U2SURP: variants seen among roughly 807,000 people sequenced by gnomAD.
U2SURP encodes the protein U2 snRNP associated SURP domain containing.
Under a neutral mutation model 144.9 loss-of-function variants are expected in U2SURP, and 9 were observed. The ratio of observed to expected loss-of-function variants is 0.06; its 90% CI spans 0.04 to 0.11. The LOEUF is 0.11. Ranked by LOEUF, U2SURP falls within the 10% of genes least tolerant of loss-of-function variation. The pLI, the probability that U2SURP is intolerant of heterozygous loss-of-function variation, is 1.00. For missense variants in U2SURP, 724 were observed against 1,226.7 expected (o/e 0.59, Z 6.12); for synonymous variants, 408 against 396.8 (o/e 1.03, Z -0.33).
In U2SURP at chr3:143,016,283, T is replaced by G; in HGVS notation, c.348T>G (p.Ile116Met). 2 of 1,613,276 alleles carry G rather than the reference T, an allele frequency of 1.2e-6. No homozygotes were observed. Among genetic ancestry groups the G allele is most frequent in the Non-Finnish European group, 1.7e-6 (2 of 1,179,394 alleles). ...AGGATGAAAAGGCAGCTGCTGAGATTTATGAGGAGTTTCTTGCTGCTTTTG... is the reference window on the plus strand; with the variant it reads ...AGGATGAAAAGGCAGCTGCTGAGATGTATGAGGAGTTTCTTGCTGCTTTTG... ...KKEDEKAAAE[I>M]YEEFLAAFEG... The change falls in exon 5 of 28, where the codon ATT becomes ATG. Residue 116 changes from isoleucine (I) to methionine (M), a missense_variant. Coordinates refer to ENST00000473835, the MANE Select transcript of U2SURP (RefSeq NM_001080415.2).
intron 18 of U2SURP, among the ~76,000 whole-genome samples, chr3:143,033,786 A>G (rs1933645033): frequency 6.6e-6 from 1 of 152,138 alleles, no homozygotes; most frequent in South Asian, 2.1e-4. Context: ...GGGAAGACTA[A>G]TTTGAATTTC....
At position 143,051,018 on chromosome 3, in the gene U2SURP, T is replaced by C; in HGVS notation, c.2624T>C (p.Val875Ala). 2 of 1,612,498 alleles carry C rather than the reference T, an allele frequency of 1.2e-6. No homozygotes were observed. The highest frequency in any genetic ancestry group is 1.7e-6 in the Non-Finnish European group (2 of 1,179,054). The change falls in exon 25 of 28, where the codon GTA (valine) becomes GCA (alanine). Residue 875 changes from valine to alanine, a missense_variant. Around this residue, in one of 13 missense-constraint regions of U2SURP, gnomAD observed 129 missense variants for 196.1 expected, o/e 0.66. Coordinates refer to ENST00000473835, the MANE Select transcript of U2SURP (RefSeq NM_001080415.2). The stretch of plus-strand genomic sequence containing the variant: ...CCAGGCCAGAGTTTTCAGGAGCAAG[T>C]AGAACACTACAGAGATAAACTTCTT... ...KKPGQSFQEQVEHYRDKLLQR... is the reference protein window; with the variant it reads ...KKPGQSFQEQAEHYRDKLLQR...
At chr3:143,020,148 T>C (rs766436399) in intron 7 of U2SURP, 112 bp downstream of exon 7, 13 of 603,956 alleles carry the variant, frequency 2.2e-5, no homozygotes, top group Non-Finnish European at 3.4e-5. Context: ...ACCAGTTTGC[T>C]ATGAGATTGT....
chr3:143,026,018 A>G (rs1397465308), intron 13 of U2SURP: 1 of 152,140 alleles, frequency 6.6e-6, no homozygotes, highest in Non-Finnish European at 1.5e-5. Context: ...CTAAAGGTGT[A>G]ATTTAGTGTG....
intron 13 of U2SURP, among the ~76,000 whole-genome samples, chr3:143,024,934 A>G (rs1933042385): frequency 6.6e-6 from 1 of 151,970 alleles, no homozygotes. Flanking sequence ...TAAGATAATT[A>G]CCATTTTAAA....
chr3:143,045,477 T>C (rs1042782483), intron 24 of U2SURP, among the ~76,000 whole-genome samples: 1 of 152,016 alleles, frequency 6.6e-6, no homozygotes, highest in Non-Finnish European at 1.5e-5. Context: ...TAATACAAGC[T>C]ATTCCCTCAT....
intron 20 of U2SURP, chr3:143,036,905 A>T: frequency 2.6e-6 from 1 of 385,594 alleles, no homozygotes; most frequent in Non-Finnish European, 4.7e-6. Flanking sequence ...AACAGCAAAA[A>T]CCTTTACCAG....
At position 143,016,904 on chromosome 3, in the gene U2SURP, C is replaced by A. The variant is rs1270578473; in HGVS notation, c.499C>A (p.Gln167Lys). ...TAAGCCATCTTCAAGATTTGCAGAT[C>A]AAAAAAATCCTCCAAATCAGTCTTC... Reference protein sequence around the residue: ...IYKPSSRFADQKNPPNQSSNE... With the variant: ...IYKPSSRFADKKNPPNQSSNE... Residue 167 changes from glutamine to lysine, a missense_variant, in exon 6 of 28, where the codon CAA becomes AAA. Transcript: ENST00000473835. 6.3e-7 allele frequency: 1 copy of A among 1,594,780 alleles called. No homozygotes were observed. Among genetic ancestry groups the A allele is most frequent in the South Asian group, 1.1e-5 (1 of 87,614 alleles).
Position 143,012,337 on chromosome 3 carries a change from A to G in U2SURP, c.206A>G (p.His69Arg). ...CGTGAAAGCCTTTGTGATTCTCCTC[A>G]TCAGAATCTCTCAAGAGTGAGTATA... ...SARESLCDSP[H>R]QNLSRPLLEN... Residue 69 changes from histidine (H) to arginine (R), a missense_variant, in exon 3 of 28, where the codon CAT becomes CGT. This residue lies in a region of U2SURP where 127 missense variants were observed against 98.2 expected (regional missense o/e 1.29). Transcript: ENST00000473835. The G allele has an allele frequency of 1.2e-6, 2 of 1,612,026 alleles. No individual in the cohort carries two copies. Among genetic ancestry groups the G allele is most frequent in the Non-Finnish European group, 8.5e-7 (1 of 1,178,854 alleles).
chr3:143,056,474 C>G lies in U2SURP; in HGVS notation c.*24C>G, dbSNP rs373003796. ...GACGTAAATTTTTAAGATGCTGTCA[C>G]TTATTGGAAATGCGATTTGTTTTGT... On this transcript the variant is annotated 3_prime_UTR_variant, in exon 28 of 28. Transcript: ENST00000473835. The G allele has an allele frequency of 1.2e-6, 2 of 1,606,762 alleles. No individual in the cohort carries two copies. The highest frequency in any genetic ancestry group is 2.7e-5 in the African/African-American group (2 of 74,340).
intron 24 of U2SURP, among the ~76,000 whole-genome samples, chr3:143,043,837 C>T (rs1438750719): frequency 6.0e-5 from 9 of 150,110 alleles, no homozygotes; most frequent in African/African-American, 1.7e-4. Context: ...GGCGCAGTCT[C>T]GGCTCACTGC....
chr3:143,043,395 T>G, intron 24 of U2SURP, 119 bp downstream of exon 24: 1 of 1,055,256 alleles, frequency 9.5e-7, no homozygotes, highest in East Asian at 2.6e-5. Flanking sequence ...TGCTTAGAAC[T>G]CTTCATACCA....
At chr3:143,011,912 C>CA (rs1560176847) in intron 2 of U2SURP, 1 of 495,658 alleles carries the variant, frequency 2.0e-6, no homozygotes, top group South Asian at 1.6e-5. Flanking sequence ...GACTGACAGG[C>CA]AAACTATGGT....
chr3:143,046,136 C>G (rs1323475732), intron 24 of U2SURP, among the ~76,000 whole-genome samples: 1 of 151,804 alleles, frequency 6.6e-6, no homozygotes, highest in Non-Finnish European at 1.5e-5. Context: ...AATAAAGATA[C>G]CTATAGCTGA....
In U2SURP at chr3:143,016,351, GTGT is replaced by G; in HGVS notation, c.421_423del (p.Val141del). 6.2e-7 allele frequency: 1 copy of G among 1,612,696 alleles called. No individual in the cohort carries two copies. The highest frequency in any genetic ancestry group is 8.5e-7 in the Non-Finnish European group (1 of 1,178,984). On this transcript the variant is annotated inframe_deletion, in exon 5 of 28. Transcript: ENST00000473835. ...AAAGTGAAAACATTTGTGCGAGGGGGTGTTGTTAATGCAGCTAAAGGTAAGTTT... is the reference window on the plus strand; with the variant it reads ...AAAGTGAAAACATTTGTGCGAGGGGGTGTTAATGCAGCTAAAGGTAAGTTT...
chr3:143,025,694 T>G (rs886438933), intron 13 of U2SURP: 1 of 152,178 alleles, frequency 6.6e-6, no homozygotes, highest in African/African-American at 2.4e-5. Flanking sequence ...TGTTTTTAGT[T>G]TTTTGTTTTG....
chr3:143,056,541 A>G lies in U2SURP; in HGVS notation c.*91A>G. The G allele has an allele frequency of 8.0e-6, 12 of 1,493,402 alleles. No individual in the cohort carries two copies. The highest frequency in any genetic ancestry group is 1.1e-5 in the Non-Finnish European group (12 of 1,111,448). The allele number at this position is 1,493,402 out of a possible 1,614,324, so 92.5% of individuals were successfully genotyped here. On this transcript the variant is annotated 3_prime_UTR_variant, in exon 28 of 28. Transcript: ENST00000473835. ...TTTTAAAAAAACAAAAAATCAAATG[A>G]AAGAGCATTCCTGGGGTTTTTTGTT... is the stretch of plus-strand genomic sequence containing the variant.
intron 6 of U2SURP, 53 bp from the exon 7 acceptor site, chr3:143,019,916 A>G (rs1156541639): frequency 3.0e-6 from 3 of 1,004,822 alleles, no homozygotes; most frequent in Admixed American, 3.5e-5. Flanking sequence ...TTATTGAATC[A>G]TTGGTTTTGC....
chr3:143,021,685 T>G, intron 10 of U2SURP, 130 bp downstream of exon 10: 1 of 863,064 alleles, frequency 1.2e-6, no homozygotes, highest in East Asian at 2.7e-5. Context: ...AGAGTTGTCT[T>G]ACTGGTATGG....
Sources: gnomAD v4.1 joint callset for allele counts (sites outside exome capture counted in the v4.1 genomes callset) on GRCh38, gnomAD v4.1.1 for gene constraint, gnomAD v4.1.1 regional missense constraint, MANE v1.5 for transcripts, NCBI Gene and HGNC (gene_info 2026-07-23, HGNC 2026-07-21) for gene names.